The following ZFYVE9 variants were observed in gnomAD, a reference collection of about 807,000 sequenced individuals.
ZFYVE9 encodes the protein zinc finger FYVE-type containing 9.
In ZFYVE9, 43 loss-of-function variants were observed where a neutral mutation model predicts 126.7. That is an observed-to-expected ratio of 0.34 (90% CI 0.27 to 0.44). ZFYVE9 has a LOEUF of 0.44. Ranked by LOEUF, ZFYVE9 falls within the 20% of genes least tolerant of loss-of-function variation. The pLI is 1.00. For missense variants in ZFYVE9, 1,476 were observed against 1,697.0 expected, an observed-to-expected ratio of 0.87 and a Z score of 2.29; for synonymous variants, 521 against 597.4, an observed-to-expected ratio of 0.87 and a Z score of 1.87.
intron 1 of ZFYVE9, among the ~76,000 whole-genome samples, chr1:52,171,123 G>A (rs1208783999): frequency 1.3e-5 from 2 of 151,910 alleles, no homozygotes; most frequent in African/African-American, 4.8e-5. Flanking sequence ...TTAGCATTAG[G>A]TATATCTCCT....
At chr1:52,273,155 C>T (rs554233617) in intron 7 of ZFYVE9, among the ~76,000 whole-genome samples, 7 of 152,002 alleles carry the variant, frequency 4.6e-5, no homozygotes, top group East Asian at 3.9e-4. Flanking sequence ...TACAGGCATG[C>T]GCCACCACGC....
chr1:52,342,208 C>T (rs972918106), intron 17 of ZFYVE9, among the ~76,000 whole-genome samples: 1 of 151,712 alleles, frequency 6.6e-6, no homozygotes, highest in Non-Finnish European at 1.5e-5. Flanking sequence ...GAGCAGTAAG[C>T]TAGGGGTTGC....
intron 2 of ZFYVE9, among the ~76,000 whole-genome samples, chr1:52,229,382 G>T (rs1358305767): frequency 6.6e-6 from 1 of 152,162 alleles, no homozygotes; most frequent in Non-Finnish European, 1.5e-5. Context: ...TGGCTAAGGT[G>T]ATGATTTCTA....
rs560003369 is a variant in ZFYVE9, at chr1:52,274,251, G to A, written c.2626-213G>A. ...TTACCATGATTTGATGATACCAAAA[G>A]GAGAAACTTACACATTTGAAAACAT... is the stretch of plus-strand genomic sequence containing the variant. On this transcript the variant is annotated intron_variant, in intron 7 of 18. Transcript: ENST00000287727. Among the ~76,000 whole-genome samples, 161 of 152,198 alleles carry A rather than the reference G, an allele frequency of 1.1e-3. 3 individuals carry two copies. Among genetic ancestry groups the A allele is most frequent in the Admixed American group, 0.01 (159 of 15,290 alleles).
At chr1:52,239,931 TA>T (rs1438450218) in intron 4 of ZFYVE9, among the ~76,000 whole-genome samples, 1 of 152,214 alleles carries the variant, frequency 6.6e-6, no homozygotes, top group Non-Finnish European at 1.5e-5. Context: ...GTTTAGGAAA[TA>T]TTTGTCATTA....
intron 15 of ZFYVE9, among the ~76,000 whole-genome samples, chr1:52,336,947 T>TAAAAAAAAAAAAAAAAAAA (rs71041896): frequency 8.3e-5 from 9 of 107,846 alleles, no homozygotes; most frequent in African/African-American, 2.9e-4. Flanking sequence ...AGTCATCTCT[T>TAAAAAAAAAAAAAAAAAAA]AAAAAAAAAA....
intron 1 of ZFYVE9, among the ~76,000 whole-genome samples, chr1:52,208,264 A>G (rs1572101694): frequency 1.3e-5 from 2 of 152,198 alleles, no homozygotes; most frequent in East Asian, 3.8e-4. Flanking sequence ...ACTCTTCATA[A>G]AAGATGTTCA....
At chr1:52,303,472 AAC>A (rs754698775) in intron 12 of ZFYVE9, among the ~76,000 whole-genome samples, 2 of 152,366 alleles carry the variant, frequency 1.3e-5, no homozygotes, top group Non-Finnish European at 2.9e-5. Flanking sequence ...TAGCAAGAAC[AAC>A]ACAACTGAGA....
intron 2 of ZFYVE9, among the ~76,000 whole-genome samples, chr1:52,224,420 G>T (rs1645151505): frequency 6.6e-6 from 1 of 152,150 alleles, no homozygotes; most frequent in African/African-American, 2.4e-5. Flanking sequence ...GACTTAGGTA[G>T]GTCGTCTTTG....
intron 17 of ZFYVE9, 45 bp downstream of exon 17, chr1:52,340,276 C>A: frequency 6.7e-7 from 1 of 1,487,964 alleles, no homozygotes; most frequent in Non-Finnish European, 9.3e-7. Flanking sequence ...TTGAGCACAA[C>A]TTTTTGCTAG....
chr1:52,210,945 G>A (rs941337310), intron 1 of ZFYVE9, among the ~76,000 whole-genome samples: 1 of 152,096 alleles, frequency 6.6e-6, no homozygotes, highest in African/African-American at 2.4e-5. Flanking sequence ...GTGAGCCACC[G>A]CCCCTGGCCA....
chr1:52,223,651 C>T (rs757260050), intron 2 of ZFYVE9, among the ~76,000 whole-genome samples: 1 of 152,138 alleles, frequency 6.6e-6, no homozygotes, highest in Non-Finnish European at 1.5e-5. Flanking sequence ...TCTAAGAATT[C>T]TATGGGCCTT....
At chr1:52,246,995 G>A (rs568943826) in intron 4 of ZFYVE9, among the ~76,000 whole-genome samples, 1 of 151,816 alleles carries the variant, frequency 6.6e-6, no homozygotes, top group Non-Finnish European at 1.5e-5. Flanking sequence ...GGCGTGAGCC[G>A]CTGTGCCCGG....
intron 1 of ZFYVE9, among the ~76,000 whole-genome samples, chr1:52,164,544 C>G (rs1018962375): frequency 7.2e-5 from 11 of 152,066 alleles, no homozygotes; most frequent in African/African-American, 2.4e-4. Context: ...ATACATCTAT[C>G]TATCTATCTA....
At chr1:52,177,003 C>G (rs1027308234) in intron 1 of ZFYVE9, among the ~76,000 whole-genome samples, 1 of 152,164 alleles carries the variant, frequency 6.6e-6, no homozygotes, top group African/African-American at 2.4e-5. Context: ...CACCCACTGT[C>G]CTGTGCCCAC....
At chr1:52,328,742 T>C (rs1427866100) in intron 13 of ZFYVE9, among the ~76,000 whole-genome samples, 1 of 152,214 alleles carries the variant, frequency 6.6e-6, no homozygotes, top group Non-Finnish European at 1.5e-5. Flanking sequence ...AACCTAAATG[T>C]GTCTGTCAGT....
intron 12 of ZFYVE9, among the ~76,000 whole-genome samples, chr1:52,296,427 C>T (rs1367900620): frequency 1.3e-5 from 2 of 151,646 alleles, no homozygotes; most frequent in Non-Finnish European, 1.5e-5. Flanking sequence ...ACCCAGATAC[C>T]CCAAGCCAGT....
At chr1:52,225,812 C>T (rs1461133693) in intron 2 of ZFYVE9, among the ~76,000 whole-genome samples, 1 of 152,052 alleles carries the variant, frequency 6.6e-6, no homozygotes, top group African/African-American at 2.4e-5. Flanking sequence ...CCCAAGAGGT[C>T]CTGATGAAGC....
rs1645284179 is a variant in ZFYVE9 at position 52,237,527 on chromosome 1, A to G, written c.110A>G (p.Asn37Ser). 6.2e-7 allele frequency: 1 copy of G among 1,613,636 alleles called. No individual in the cohort carries two copies. The highest frequency in any genetic ancestry group is 8.5e-7 in the Non-Finnish European group (1 of 1,179,668). The change falls in exon 4 of 19, where the codon AAT (asparagine) becomes AGT (serine). Residue 37 changes from asparagine to serine, a missense_variant. Coordinates refer to ENST00000287727, the MANE Select transcript of ZFYVE9 (RefSeq NM_004799.4). Reference sequence around the variant, plus strand: ...TCTACTTTATTGGATACAAAGTGGAATAAGATTCTAGATCCCCCTTCTCAC... The same window carrying G: ...TCTACTTTATTGGATACAAAGTGGAGTAAGATTCTAGATCCCCCTTCTCAC... ...VSSTLLDTKW[N>S]KILDPPSHRL...
Sources: gnomAD v4.1 joint callset for allele counts (sites outside exome capture counted in the v4.1 genomes callset) on GRCh38, gnomAD v4.1.1 for gene constraint, MANE v1.5 for transcripts, NCBI Gene and HGNC (gene_info 2026-07-23, HGNC 2026-07-21) for gene names.